The following EPHA3 variants were observed in gnomAD, a reference collection of about 807,000 sequenced individuals.
EPHA3 encodes the protein EPH receptor A3.
A neutral mutation model predicts 107.1 loss-of-function variants in EPHA3; 42 were observed. The observed-to-expected ratio is 0.39, with a 90% CI of 0.31 to 0.51. The LOEUF is 0.51. Ranked by LOEUF, EPHA3 falls within the 20% of genes least tolerant of loss-of-function variation. The pLI, the probability that EPHA3 is intolerant of heterozygous loss-of-function variation, is 0.78. For missense variants in EPHA3, 1,183 were observed against 1,211.2 expected (o/e 0.98, Z 0.35); for synonymous variants, 461 against 424.8 (o/e 1.09, Z -1.05).
At chr3:89,155,042 A>T (rs1704769152) in intron 2 of EPHA3, among the ~76,000 whole-genome samples, 1 of 151,550 alleles carries the variant, frequency 6.6e-6, no homozygotes, top group South Asian at 2.1e-4. Flanking sequence ...ATTCAAACTG[A>T]CAGCTATTAA....
chr3:89,473,702 C>T (rs1212318645), intron 16 of EPHA3, among the ~76,000 whole-genome samples: 1 of 152,184 alleles, frequency 6.6e-6, no homozygotes, highest in Non-Finnish European at 1.5e-5. Context: ...GTAGGACTGG[C>T]TCAGTCCCAC....
chr3:89,243,319 G>A (rs957990690), intron 3 of EPHA3, among the ~76,000 whole-genome samples: 1 of 152,104 alleles, frequency 6.6e-6, no homozygotes, highest in Non-Finnish European at 1.5e-5. Context: ...AGATCCCTGA[G>A]GAATCTCCAC....
intron 5 of EPHA3, among the ~76,000 whole-genome samples, chr3:89,390,786 T>C (rs79020145): frequency 3.5e-4 from 22 of 62,528 alleles, no homozygotes; most frequent in African/African-American, 3.0e-3. Flanking sequence ...TTGAAAAGCA[T>C]TTTTTTTTTT....
At chr3:89,403,000 A>G (rs183111452) in intron 7 of EPHA3, among the ~76,000 whole-genome samples, 1 of 152,298 alleles carries the variant, frequency 6.6e-6, no homozygotes, top group Non-Finnish European at 1.5e-5. Flanking sequence ...GTAATTACAT[A>G]AGAATGTCTC....
At chr3:89,213,801 C>G (rs1332122648) in intron 3 of EPHA3, among the ~76,000 whole-genome samples, 4 of 151,912 alleles carry the variant, frequency 2.6e-5, no homozygotes, top group Admixed American at 6.6e-5. Context: ...CATTGGCTCA[C>G]CTCGTAAAGA....
chr3:89,236,805 A>AT (rs1263899057), intron 3 of EPHA3, among the ~76,000 whole-genome samples: 1 of 152,314 alleles, frequency 6.6e-6, no homozygotes, highest in African/African-American at 2.4e-5. Flanking sequence ...AGAAAGCTAC[A>AT]TTTTTTTATA....
chr3:89,413,081 A>T (rs1428671059), intron 9 of EPHA3, 60 bp from the exon 10 acceptor site: 1 of 1,598,808 alleles, frequency 6.3e-7, no homozygotes, highest in Non-Finnish European at 8.5e-7. Context: ...ATAAAATTTG[A>T]TCTATAATTG....
chr3:89,226,477 A>G lies in EPHA3; in HGVS notation c.814+15957A>G, dbSNP rs1704506161. 5.3e-5 allele frequency among the ~76,000 whole-genome samples: 8 copies of G among 152,170 alleles called. No individual in the cohort carries two copies. In the South Asian group the frequency reaches 1.7e-3, roughly 31 times the overall value. ...CCAGACAACTGAAGGTTTATTATAC[A>G]TCAAGTAAAATACCAAAATAAACAA... On this transcript the variant is annotated intron_variant, in intron 3 of 16. Transcript: ENST00000336596.
At chr3:89,363,613 A>G (rs1226933044) in intron 5 of EPHA3, among the ~76,000 whole-genome samples, 1 of 150,728 alleles carries the variant, frequency 6.6e-6, no homozygotes, top group African/African-American at 2.4e-5. Context: ...GTTTGACCAA[A>G]TATCTGAGTA....
chr3:89,146,094 T>G (rs1704552032), intron 2 of EPHA3, among the ~76,000 whole-genome samples: 1 of 151,748 alleles, frequency 6.6e-6, no homozygotes, highest in Non-Finnish European at 1.5e-5. Context: ...CTAGAAATAG[T>G]TCATAAGTTT....
chr3:89,356,282 T>C (rs1047033501), intron 5 of EPHA3, among the ~76,000 whole-genome samples: 4 of 150,874 alleles, frequency 2.7e-5, no homozygotes, highest in African/African-American at 9.7e-5. Flanking sequence ...TGAATAGTGC[T>C]GCAATAAACA....
At chr3:89,141,447 A>G (rs1049808660) in intron 2 of EPHA3, among the ~76,000 whole-genome samples, 1 of 151,576 alleles carries the variant, frequency 6.6e-6, no homozygotes, top group African/African-American at 2.4e-5. Context: ...GAAATCAAGG[A>G]TAATTTCCAT....
intron 3 of EPHA3, among the ~76,000 whole-genome samples, chr3:89,335,097 A>C (rs768558490): frequency 2.6e-5 from 4 of 152,210 alleles, no homozygotes; most frequent in Non-Finnish European, 5.9e-5. Context: ...ACTATAAGAC[A>C]CAATAAATGG....
rs532548818 is a variant in EPHA3, at chr3:89,164,987, T to C, written c.153+37714T>C. Among the ~76,000 whole-genome samples the C allele has an allele frequency of 1.4e-3, 208 of 152,318 alleles. 2 individuals are homozygous for C. The highest frequency in any genetic ancestry group is 4.7e-3 in the African/African-American group (195 of 41,576). On this transcript the variant is annotated intron_variant, in intron 2 of 16. Coordinates refer to ENST00000336596, the MANE Select transcript of EPHA3 (RefSeq NM_005233.6). ...GCATTGCTGAGTCAGGGTTTTCATA[T>C]CCTTATACTTCAGAAACTGTTTCTT...
chr3:89,268,815 C>A (rs1367891456), intron 3 of EPHA3, among the ~76,000 whole-genome samples: 2 of 151,560 alleles, frequency 1.3e-5, no homozygotes, highest in African/African-American at 4.8e-5. Flanking sequence ...CCATTATTTT[C>A]ACAAAGTGCT....
chr3:89,211,742 C>CCTTCTTCTT (rs1206791496), intron 3 of EPHA3, among the ~76,000 whole-genome samples: 13 of 19,538 alleles, frequency 6.7e-4, no homozygotes, highest in South Asian at 4.6e-3. Flanking sequence ...TTCTTCTTCT[C>CCTTCTTCTT]CTTCTTCTTC....
At chr3:89,231,920 A>G (rs1464761003) in intron 3 of EPHA3, among the ~76,000 whole-genome samples, 2 of 152,154 alleles carry the variant, frequency 1.3e-5, no homozygotes, top group Non-Finnish European at 2.9e-5. Context: ...TTATGATCTA[A>G]TAATAATGGT....
At chr3:89,202,174 C>T (rs1013795622) in intron 2 of EPHA3, among the ~76,000 whole-genome samples, 7 of 151,902 alleles carry the variant, frequency 4.6e-5, no homozygotes, top group East Asian at 1.9e-4. Context: ...ATGCCTCCTC[C>T]ACCAGCATCA....
chr3:89,161,222 G>T (rs1704933201), intron 2 of EPHA3, among the ~76,000 whole-genome samples: 2 of 150,612 alleles, frequency 1.3e-5, no homozygotes, highest in Admixed American at 1.3e-4. Context: ...GAATAAAAAA[G>T]GAAAATGTTT....
Sources: gnomAD v4.1 joint callset for allele counts (sites outside exome capture counted in the v4.1 genomes callset) on GRCh38, gnomAD v4.1.1 for gene constraint, MANE v1.5 for transcripts, NCBI Gene and HGNC (gene_info 2026-07-23, HGNC 2026-07-21) for gene names.